LRRC45: variants seen among roughly 807,000 people sequenced by gnomAD.
LRRC45 encodes the protein leucine rich repeat containing 45.
A neutral mutation model predicts 85.4 loss-of-function variants in LRRC45; 73 were observed. The observed-to-expected ratio is 0.85, with a 90% CI of 0.71 to 1.04. The LOEUF (loss-of-function observed/expected upper bound fraction) is 1.04, where lower values mean the gene tolerates loss of function less well. LRRC45 is among the 50% of genes least tolerant of loss of function. LRRC45 has a pLI of 0.00. For synonymous variants in LRRC45, 429 were observed against 386.0 expected, an observed-to-expected ratio of 1.11 and a Z score of -1.31; for missense variants, 937 against 883.3, an observed-to-expected ratio of 1.06 and a Z score of -0.77.
In LRRC45 at chr17:82,026,564, T is replaced by TGTGTG. The variant is rs1555644848; in HGVS notation, c.662-335_662-334insGTGTG. Among the ~76,000 whole-genome samples the TGTGTG allele has an allele frequency of 1.4e-3, 189 of 137,564 alleles. 1 individual carries two copies. The highest frequency in any genetic ancestry group is 4.8e-3 in the African/African-American group (176 of 36,530). 90.2% of individuals were successfully genotyped at this position (137,564 alleles called of 152,430 possible). A position where few individuals can be genotyped will look rare whatever the true frequency, so the allele number is the denominator to read the frequency against. On this transcript the variant is annotated intron_variant, in intron 5 of 16. Coordinates refer to ENST00000306688, the MANE Select transcript of LRRC45 (RefSeq NM_144999.4). ...GCAGCCCCGGGGTGACACAGCTCCT[T>TGTGTG]TGTGTGTGTGTGTGTGTGTGTGTGT...
Position 82,030,704 on chromosome 17 carries a change from C to A in LRRC45, c.1912C>A (p.Arg638Ser). 2.0e-6 allele frequency: 3 copies of A among 1,499,264 alleles called. No homozygotes were observed. The highest frequency in any genetic ancestry group is 5.2e-5 in the East Asian group (2 of 38,508). 92.9% of individuals were successfully genotyped at this position (1,499,264 alleles called of 1,614,324 possible). Reference protein sequence around the residue: ...KLRLREAEIARIRDEEAQRAS... With the variant: ...KLRLREAEIASIRDEEAQRAS... ...GCGGCTCCGGGAGGCGGAGATCGCC[C>A]GCATCCGGGACGAGGAGGCCCAGAG... The change falls in exon 17 of 17, where the codon CGC becomes AGC. Residue 638 changes from arginine (R) to serine (S), a missense_variant. Transcript: ENST00000306688.
At chr17:82,026,703 C>G in intron 5 of LRRC45, 196 bp from the exon 6 acceptor site, 4 of 427,598 alleles carry the variant, frequency 9.4e-6, no homozygotes, top group South Asian at 8.1e-5. Context: ...CTCAGCCTCC[C>G]GAGTACCTGG....
chr17:82,024,064 C>T (rs373819057), intron 1 of LRRC45: 13 of 721,218 alleles, frequency 1.8e-5, no homozygotes, highest in South Asian at 1.3e-4. Context: ...CGCGGTCTTA[C>T]CTGGTTCCCC....
chr17:82,023,504 G>C lies in LRRC45; in HGVS notation c.-140G>C. On this transcript the variant is annotated 5_prime_UTR_variant, in exon 1 of 17. Coordinates refer to ENST00000306688, the MANE Select transcript of LRRC45 (RefSeq NM_144999.4). Reference sequence around the variant, plus strand: ...GCGCTCCCAGGACCTCCCGCCCGCGGAGCCCACTCGGATTGCTCTCCGCCC... The same window carrying C: ...GCGCTCCCAGGACCTCCCGCCCGCGCAGCCCACTCGGATTGCTCTCCGCCC... 1.4e-6 allele frequency: 1 copy of C among 733,584 alleles called. No homozygotes were observed. The highest frequency in any genetic ancestry group is 2.1e-6 in the Non-Finnish European group (1 of 470,008). 45.4% of individuals were successfully genotyped at this position (733,584 alleles called of 1,614,324 possible). A position where few individuals can be genotyped will look rare whatever the true frequency, so the allele number is the denominator to read the frequency against.
At chr17:82,029,766 T>C in intron 14 of LRRC45, 131 bp downstream of exon 14, 1 of 899,306 alleles carries the variant, frequency 1.1e-6, no homozygotes, top group Non-Finnish European at 1.7e-6. Flanking sequence ...GAGCACACCC[T>C]GGACACTGGT....
Position 82,026,960 on chromosome 17 carries a change from T to C in LRRC45, c.723T>C (p.Thr241=), listed in dbSNP as rs1169113031. 1 of 1,608,174 alleles carries C rather than the reference T, an allele frequency of 6.2e-7. No homozygotes were observed. The highest frequency in any genetic ancestry group is 1.1e-5 in the South Asian group (1 of 90,290). The part of the protein sequence containing the change: ...LTTFQENQAR[T]HVLSKEVQHL... ...CCTTCCAGGAGAACCAAGCCCGCAC[T>C]CACGTCCTCAGCAAGGAGGTCCAGC... The change falls in exon 6 of 17, where the codon ACT becomes ACC. Residue 241 remains threonine, a synonymous_variant. Coordinates refer to ENST00000306688, the MANE Select transcript of LRRC45 (RefSeq NM_144999.4).
chr17:82,030,743 C>T lies in LRRC45; in HGVS notation c.1951C>T (p.Gln651Ter). The T allele has an allele frequency of 1.4e-6, 2 of 1,477,752 alleles. No homozygotes were observed. The highest frequency in any genetic ancestry group is 1.4e-5 in the African/African-American group (1 of 69,666). The allele number at this position is 1,477,752 out of a possible 1,614,324, so 91.5% of individuals were successfully genotyped here. The change falls in exon 17 of 17, where the codon CAG becomes TAG. Residue 651 changes from glutamine (Q) to a stop codon, truncating the protein, a stop_gained. Transcript: ENST00000306688. LOFTEE classifies it high-confidence loss of function. Reference protein sequence around the residue: ...DEEAQRASFLQNAVLAYVQAS... With the variant: ...DEEAQRASFL ...GGAGGCCCAGAGGGCGAGCTTCCTG[C>T]AGAACGCCGTCCTGGCTTACGTGCA...
chr17:82,028,088 A>G lies in LRRC45; in HGVS notation c.989A>G (p.Glu330Gly). 6.3e-7 allele frequency: 1 copy of G among 1,587,286 alleles called. No homozygotes were observed. The highest frequency in any genetic ancestry group is 8.6e-7 in the Non-Finnish European group (1 of 1,168,486). Residue 330 changes from glutamate (E) to glycine (G), a missense_variant, in exon 9 of 17, where the codon GAG becomes GGG. Glu to Gly is a moderately conservative substitution (Grantham distance 98, BLOSUM62 -2). Transcript: ENST00000306688. ...CTGGGGGAGCTCCTGGCCACAGCGG[A>G]GCAGGAGCAGCTGAGCCTGTCACAG... ...QDLGELLATA[E>G]QEQLSLSQRQ... is the part of the protein sequence containing the mutation.
chr17:82,025,644 G>A (rs2043362255), intron 5 of LRRC45, 137 bp downstream of exon 5: 4 of 1,137,298 alleles, frequency 3.5e-6, no homozygotes, highest in African/African-American at 1.6e-5. Context: ...AAGGAGCGGA[G>A]GGGTCGTGGG....
chr17:82,030,454 C>T lies in LRRC45; in HGVS notation c.1804C>T (p.Arg602Cys). Residue 602 changes from arginine to cysteine, a missense_variant, in exon 16 of 17, where the codon CGC becomes TGC. Coordinates refer to ENST00000306688, the MANE Select transcript of LRRC45 (RefSeq NM_144999.4). ...ALREKAAALE[R>C]QLKVMASDHR... ...GAGGGAGAAGGCGGCGGCCCTGGAG[C>T]GCCAGCTGAAAGGTGAGCCAGACCC... 6.5e-7 allele frequency: 1 copy of T among 1,545,380 alleles called. No homozygotes were observed. The highest frequency in any genetic ancestry group is 8.7e-7 in the Non-Finnish European group (1 of 1,147,010).
chr17:82,030,432 G>C lies in LRRC45; in HGVS notation c.1782G>C (p.Arg594Ser). The C allele has an allele frequency of 6.5e-7, 1 of 1,548,462 alleles. No homozygotes were observed. The highest frequency in any genetic ancestry group is 8.7e-7 in the Non-Finnish European group (1 of 1,147,092). ...AGCTGGCGGCTCAGGAGGCGCTGAG[G>C]GAGAAGGCGGCGGCCCTGGAGCGCC... is the stretch of plus-strand genomic sequence containing the variant. Reference protein sequence around the residue: ...QAELAAQEALREKAAALERQL... With the variant: ...QAELAAQEALSEKAAALERQL... The change falls in exon 16 of 17, where the codon AGG becomes AGC. Residue 594 changes from arginine (R) to serine (S), a missense_variant. Coordinates refer to ENST00000306688, the MANE Select transcript of LRRC45 (RefSeq NM_144999.4).
At position 82,023,845 on chromosome 17, in the gene LRRC45, T is replaced by C; in HGVS notation, c.202T>C (p.Cys68Arg). The C allele has an allele frequency of 1.3e-6, 2 of 1,562,502 alleles. No homozygotes were observed. Among genetic ancestry groups the C allele is most frequent in the Non-Finnish European group, 1.7e-6 (2 of 1,155,618 alleles). ...GTGCACGGAGCTGGTCCTGAGTGAC[T>C]GCATGCTCAGCGAGGAAGGTGGGCA... ...TLCTELVLSDCMLSEEGATLL... is the reference protein window; with the variant it reads ...TLCTELVLSDRMLSEEGATLL... The change falls in exon 1 of 17, where the codon TGC becomes CGC. Residue 68 changes from cysteine to arginine, a missense_variant. Physicochemically the swap from Cys to Arg is radical, Grantham distance 180 (BLOSUM62 -3). Transcript: ENST00000306688.
intron 11 of LRRC45, 46 bp from the exon 12 acceptor site, chr17:82,028,567 C>T (rs753127979): frequency 1.2e-6 from 2 of 1,611,704 alleles, no homozygotes; most frequent in Non-Finnish European, 8.5e-7. Context: ...GGGACGGGGG[C>T]CCCCAGGGGA....
rs1273603016 is a variant in LRRC45, at chr17:82,030,444, G to C, written c.1794G>C (p.Ala598=). The stretch of plus-strand genomic sequence containing the variant: ...AGGAGGCGCTGAGGGAGAAGGCGGC[G>C]GCCCTGGAGCGCCAGCTGAAAGGTG... ...AAQEALREKA[A]ALERQLKVMA... Residue 598 remains alanine, a synonymous_variant, in exon 16 of 17, where the codon GCG becomes GCC. Coordinates refer to ENST00000306688, the MANE Select transcript of LRRC45 (RefSeq NM_144999.4). The C allele has an allele frequency of 6.5e-7, 1 of 1,546,854 alleles. No homozygotes were observed. Among genetic ancestry groups the C allele is most frequent in the Non-Finnish European group, 8.7e-7 (1 of 1,147,058 alleles).
intron 16 of LRRC45, 29 bp downstream of exon 16, chr17:82,030,495 C>T (rs1343519344): frequency 5.9e-6 from 9 of 1,533,684 alleles, no homozygotes; most frequent in Non-Finnish European, 7.9e-6. Flanking sequence ...CTCCCGCCGC[C>T]CACTGGTGGG....
Position 82,030,882 on chromosome 17 carries a change from C to A in LRRC45, c.*77C>A. 1 of 1,117,092 alleles carries A rather than the reference C, an allele frequency of 9.0e-7. No individual in the cohort carries two copies. Among genetic ancestry groups the A allele is most frequent in the Non-Finnish European group, 1.2e-6 (1 of 861,304 alleles). The allele number at this position is 1,117,092 out of a possible 1,614,324, so 69.2% of individuals were successfully genotyped here. A position where few individuals can be genotyped will look rare whatever the true frequency, so the allele number is the denominator to read the frequency against. ...GATGGACCAGGGGCTGCGTCCCGCC[C>A]GCGCCGCCTCTTTGAGACCCGGGTC... On this transcript the variant is annotated 3_prime_UTR_variant, in exon 17 of 17. Transcript: ENST00000306688.
chr17:82,030,427 C>T lies in LRRC45; in HGVS notation c.1777C>T (p.Leu593=). ...GGCGGAGCTGGCGGCTCAGGAGGCGCTGAGGGAGAAGGCGGCGGCCCTGGA... is the reference window on the plus strand; with the variant it reads ...GGCGGAGCTGGCGGCTCAGGAGGCGTTGAGGGAGAAGGCGGCGGCCCTGGA... ...LQAELAAQEA[L]REKAAALERQ... is the part of the protein sequence containing the mutation. Residue 593 remains leucine (L), a synonymous_variant, in exon 16 of 17, where the codon CTG becomes TTG. Coordinates refer to ENST00000306688, the MANE Select transcript of LRRC45 (RefSeq NM_144999.4). The T allele has an allele frequency of 1.3e-6, 2 of 1,549,058 alleles. No homozygotes were observed. The highest frequency in any genetic ancestry group is 1.7e-6 in the Non-Finnish European group (2 of 1,147,114).
intron 5 of LRRC45, 146 bp from the exon 6 acceptor site, chr17:82,026,753 T>A: frequency 1.8e-6 from 1 of 567,992 alleles, no homozygotes; most frequent in Non-Finnish European, 3.2e-6. Flanking sequence ...TACTTTTTTG[T>A]ATTTTTAGTA....
intron 5 of LRRC45, chr17:82,026,660 A>ACCTC (rs1201274685): frequency 5.3e-6 from 2 of 376,728 alleles, no homozygotes; most frequent in Non-Finnish European, 1.0e-5. Flanking sequence ...GCTCACTGCA[A>ACCTC]CCTCCACCTC....
Sources: gnomAD v4.1 joint callset for allele counts (sites outside exome capture counted in the v4.1 genomes callset) on GRCh38, gnomAD v4.1.1 for gene constraint, MANE v1.5 for transcripts, NCBI Gene and HGNC (gene_info 2026-07-23, HGNC 2026-07-21) for gene names.